GLIS3: variants seen among roughly 807,000 people sequenced by gnomAD.
GLIS3 encodes zinc finger protein GLIS3.
GLIS3 carries 53 observed loss-of-function variants against 78.6 expected under a neutral mutation model. The ratio of observed to expected loss-of-function variants is 0.67; its 90% CI spans 0.54 to 0.85. The LOEUF (loss-of-function observed/expected upper bound fraction) is 0.85, where lower values mean the gene tolerates loss of function less well. GLIS3 is among the 40% of genes least tolerant of loss of function. The pLI, the probability that GLIS3 is intolerant of heterozygous loss-of-function variation, is 0.00. For synonymous variants in GLIS3, 684 were observed against 509.9 expected (o/e 1.34, Z -4.60); for missense variants, 1,703 against 1,231.1 (o/e 1.38, Z -5.74).
chr9:4,212,003 G>A (rs1001810344), intron 2 of GLIS3, among the ~76,000 whole-genome samples: 1 of 152,204 alleles, frequency 6.6e-6, no homozygotes, highest in Non-Finnish European at 1.5e-5. Context: ...ATTAGTGGTT[G>A]CCTGGGGCTG....
intron 4 of GLIS3, among the ~76,000 whole-genome samples, chr9:4,022,449 T>A (rs1455898552): frequency 1.3e-5 from 2 of 152,328 alleles, no homozygotes; most frequent in East Asian, 3.9e-4. Context: ...CAAAAAATAT[T>A]AAACTTTCTA....
At chr9:4,079,774 T>C (rs1370732370) in intron 4 of GLIS3, among the ~76,000 whole-genome samples, 1 of 149,994 alleles carries the variant, frequency 6.7e-6, no homozygotes, top group African/African-American at 2.5e-5. Flanking sequence ...AAAGAAAACC[T>C]ACCTGAAACA....
chr9:4,143,017 T>C (rs1287440164), intron 2 of GLIS3, among the ~76,000 whole-genome samples: 1 of 152,122 alleles, frequency 6.6e-6, no homozygotes, highest in African/African-American at 2.4e-5. Flanking sequence ...CCAAACCTAC[T>C]CTCTGACATA....
At chr9:4,310,543 C>T (rs1441144290) in intron 2 of GLIS3, 1 of 152,220 alleles carries the variant, frequency 6.6e-6, no homozygotes, top group Non-Finnish European at 1.5e-5. Flanking sequence ...ACCCCAAATA[C>T]ATCCATTAGT....
At chr9:4,430,077 GACA>G in the GLIS3 span, among the ~76,000 whole-genome samples, 6 of 151,930 alleles carry the variant, frequency 3.9e-5, no homozygotes, top group African/African-American at 1.2e-4. Context: ...AAGCAGAGGA[GACA>G]ACAAGGAGCC....
chr9:4,319,983 TTGTGTG>T (rs58794068), intron 2 of GLIS3, among the ~76,000 whole-genome samples: 1,712 of 145,156 alleles, frequency 0.012, 33 homozygotes, highest in African/African-American at 0.038. Context: ...GTAGAGGGGG[TTGTGTG>T]TGTGTGTGTG....
the GLIS3 span, among the ~76,000 whole-genome samples, chr9:4,444,991 C>G: frequency 6.6e-6 from 1 of 152,118 alleles, no homozygotes. Context: ...TCCCGTTGCC[C>G]TTGGAGTTAC....
chr9:4,264,180 A>G (rs1481627021), intron 2 of GLIS3, among the ~76,000 whole-genome samples: 1 of 152,164 alleles, frequency 6.6e-6, no homozygotes, highest in African/African-American at 2.4e-5. Context: ...ATTGCCATTC[A>G]CTACATGTTC....
chr9:3,999,926 G>C (rs1821012819), intron 4 of GLIS3, among the ~76,000 whole-genome samples: 1 of 152,032 alleles, frequency 6.6e-6, no homozygotes, highest in Non-Finnish European at 1.5e-5. Context: ...GAAAAGAATA[G>C]GGGTCCCATA....
At chr9:3,926,205 T>C (rs937018349) in intron 6 of GLIS3, among the ~76,000 whole-genome samples, 3 of 152,044 alleles carry the variant, frequency 2.0e-5, no homozygotes, top group South Asian at 2.1e-4. Flanking sequence ...AGGTACAGTA[T>C]TGCGACTAAA....
chr9:3,854,809 G>A (rs1035559847), intron 9 of GLIS3, among the ~76,000 whole-genome samples: 17 of 151,960 alleles, frequency 1.1e-4, no homozygotes, highest in African/African-American at 4.1e-4. Flanking sequence ...CTCCCAAAGT[G>A]CTGGGATTAC....
At chr9:4,011,350 T>C (rs1313808851) in intron 4 of GLIS3, among the ~76,000 whole-genome samples, 1 of 152,046 alleles carries the variant, frequency 6.6e-6, no homozygotes, top group Non-Finnish European at 1.5e-5. Flanking sequence ...GAGTTTGTGG[T>C]AAAATGGAAG....
At chr9:4,281,698 T>C (rs764355325) in intron 2 of GLIS3, among the ~76,000 whole-genome samples, 1 of 152,214 alleles carries the variant, frequency 6.6e-6, no homozygotes, top group African/African-American at 2.4e-5. Context: ...TCATAAATAA[T>C]GCTGCTGTGG....
At position 4,037,547 on chromosome 9, in the gene GLIS3, A is replaced by AACACACACACACACACACACACACACAC. The variant is rs56254712; in HGVS notation, c.1710+80193_1710+80220dup. ...GCAGTGGGCAGATGTGTGTGCACAC[A>AACACACACACACACACACACACACACAC]ACACACACACACACACACACACACA... On this transcript the variant is annotated intron_variant, in intron 4 of 10. Transcript: ENST00000381971. Among the ~76,000 whole-genome samples, 5 of 147,380 alleles carry AACACACACACACACACACACACACACAC rather than the reference A, an allele frequency of 3.4e-5. 1 individual carries two copies. The highest frequency in any genetic ancestry group is 1.3e-4 in the African/African-American group (5 of 39,404).
intron 3 of GLIS3, 146 bp from the exon 4 acceptor site, chr9:4,119,027 C>A: frequency 1.1e-6 from 1 of 883,074 alleles, no homozygotes; most frequent in South Asian, 1.7e-5. Flanking sequence ...CATTCTTGGG[C>A]TAAGATAAAA....
In GLIS3 at chr9:4,292,969, G is replaced by C. The variant is rs193280552; in HGVS notation, c.-98-6446C>G. On this transcript the variant is annotated intron_variant, in intron 1 of 10. Transcript: ENST00000381971. ...TTACCTGAACTGCAAACACTGAATA[G>C]CACATGGCCAGGGTTTGAGACACAA... Among the ~76,000 whole-genome samples the C allele has an allele frequency of 1.6e-3, 243 of 152,276 alleles. 1 individual carries two copies. The highest frequency in any genetic ancestry group is 2.1e-3 in the South Asian group (10 of 4,824).
chr9:3,864,570 G>C (rs937065245), intron 8 of GLIS3, among the ~76,000 whole-genome samples: 1 of 152,206 alleles, frequency 6.6e-6, no homozygotes, highest in East Asian at 1.9e-4. Flanking sequence ...AACCAGAGAA[G>C]ATGTCAAAAG....
At chr9:4,080,057 G>A (rs1416337688) in intron 4 of GLIS3, among the ~76,000 whole-genome samples, 3 of 152,220 alleles carry the variant, frequency 2.0e-5, no homozygotes, top group Non-Finnish European at 4.4e-5. Flanking sequence ...TATTGTAAAA[G>A]TGTTTGTGCA....
At chr9:4,115,093 C>T (rs779479182) in intron 4 of GLIS3, among the ~76,000 whole-genome samples, 1 of 152,210 alleles carries the variant, frequency 6.6e-6, no homozygotes, top group South Asian at 2.1e-4. Flanking sequence ...CCCTCTCACA[C>T]ACCCCTATTT....
Sources: allele counts gnomAD v4.1 joint callset (sites outside exome capture counted in the v4.1 genomes callset), GRCh38; gene constraint gnomAD v4.1.1; transcripts MANE v1.5; gene names NCBI Gene and HGNC (gene_info 2026-07-23, HGNC 2026-07-21).